COL22A1: variants seen among roughly 807,000 people sequenced by gnomAD.
The protein encoded by COL22A1 is collagen type XXII alpha 1 chain.
In COL22A1, 221 loss-of-function variants were observed where a neutral mutation model predicts 248.9. That is an observed-to-expected ratio of 0.89 (90% CI 0.80 to 0.99). The LOEUF is 0.99. COL22A1 is among the 50% of genes least tolerant of loss of function. COL22A1 has a pLI of 0.00. For missense variants in COL22A1, 2,240 were observed against 2,179.0 expected, an observed-to-expected ratio of 1.03 and a Z score of -0.56; for synonymous variants, 891 against 793.4, an observed-to-expected ratio of 1.12 and a Z score of -2.07.
chr8:138,687,351 T>C (rs1465171393), intron 37 of COL22A1, among the ~76,000 whole-genome samples: 1 of 152,238 alleles, frequency 6.6e-6, no homozygotes, highest in Admixed American at 6.5e-5. Context: ...TAAGTTCTTT[T>C]TTTCTGGGAG....
chr8:138,786,816 A>C (rs1815567934), intron 12 of COL22A1, among the ~76,000 whole-genome samples: 2 of 152,184 alleles, frequency 1.3e-5, no homozygotes, highest in Non-Finnish European at 2.9e-5. Flanking sequence ...AGGCAGGAGA[A>C]TTGCTTGAAC....
chr8:138,604,621 G>A, intron 59 of COL22A1, 113 bp downstream of exon 59: 2 of 850,896 alleles, frequency 2.4e-6, no homozygotes, highest in Non-Finnish European at 3.9e-6. Flanking sequence ...AACAGTGAAG[G>A]TAGAGAGTGT....
intron 42 of COL22A1, among the ~76,000 whole-genome samples, chr8:138,662,522 T>C (rs1176154535): frequency 6.6e-6 from 1 of 152,168 alleles, no homozygotes; most frequent in African/African-American, 2.4e-5. Context: ...ATTACAACTC[T>C]TTGTAAGAAA....
rs76084756 is a variant in COL22A1, at chr8:138,632,579, C to T, written c.3610-1831G>A. Among the ~76,000 whole-genome samples, 454 of 152,234 alleles carry T rather than the reference C, an allele frequency of 3.0e-3. 3 individuals carry two copies. Among genetic ancestry groups the T allele is most frequent in the African/African-American group, 0.01 (430 of 41,558 alleles). ...TTAATTGTTGCATACTTTTATCAAGCGCCTAAACTGTACTAGGTACAAGCC... is the reference window on the plus strand; with the variant it reads ...TTAATTGTTGCATACTTTTATCAAGTGCCTAAACTGTACTAGGTACAAGCC... On this transcript the variant is annotated intron_variant, in intron 49 of 64. Transcript: ENST00000303045.
At chr8:138,604,693 G>T in intron 59 of COL22A1, 41 bp downstream of exon 59, 1 of 1,594,866 alleles carries the variant, frequency 6.3e-7, no homozygotes, top group African/African-American at 1.3e-5. Context: ...CCCATTGGTG[G>T]TAAAGGGTTG....
At chr8:138,598,301 C>T (rs989162615) in intron 61 of COL22A1, among the ~76,000 whole-genome samples, 2 of 152,118 alleles carry the variant, frequency 1.3e-5, no homozygotes, top group African/African-American at 4.8e-5. Flanking sequence ...AGCCAGGCAT[C>T]GAAATGGATG....
intron 30 of COL22A1, among the ~76,000 whole-genome samples, chr8:138,706,085 A>T (rs1015878924): frequency 1.3e-5 from 2 of 152,250 alleles, no homozygotes; most frequent in South Asian, 2.1e-4. Context: ...AAGAAGAGCT[A>T]ACTATCCTAA....
intron 47 of COL22A1, 140 bp from the exon 48 acceptor site, chr8:138,636,935 T>G (rs1237365398): frequency 2.8e-6 from 2 of 720,666 alleles, no homozygotes; most frequent in Non-Finnish European, 4.9e-6. Context: ...TCAGGCACGG[T>G]GGCAGCAGAT....
intron 53 of COL22A1, among the ~76,000 whole-genome samples, chr8:138,617,693 G>T (rs1819450862): frequency 6.6e-6 from 1 of 152,184 alleles, no homozygotes; most frequent in Non-Finnish European, 1.5e-5. Flanking sequence ...CTGTGGAAAG[G>T]ATTGCCATAT....
At chr8:138,630,804 G>T in intron 49 of COL22A1, 56 bp from the exon 50 acceptor site, 3 of 1,441,884 alleles carry the variant, frequency 2.1e-6, no homozygotes, top group South Asian at 1.1e-5. Flanking sequence ...GAGGTCATTA[G>T]CACCCTCTGC....
intron 3 of COL22A1, among the ~76,000 whole-genome samples, chr8:138,854,208 T>C (rs1329164350): frequency 1.3e-5 from 2 of 152,114 alleles, no homozygotes; most frequent in Non-Finnish European, 2.9e-5. Flanking sequence ...ATTAGGCTGA[T>C]GGCCTCACTA....
In COL22A1 at chr8:138,760,300, A is replaced by C. The variant is rs1252109725; in HGVS notation, c.1858-13T>G. 1 of 1,598,386 alleles carries C rather than the reference A, an allele frequency of 6.3e-7. No individual in the cohort carries two copies. Among genetic ancestry groups the C allele is most frequent in the Non-Finnish European group, 8.5e-7 (1 of 1,172,732 alleles). On this transcript the variant is annotated splice_polypyrimidine_tract_variant and intron_variant, in intron 17 of 64. Coordinates refer to ENST00000303045, the MANE Select transcript of COL22A1 (RefSeq NM_152888.3). The stretch of plus-strand genomic sequence containing the variant: ...GGCCGGGCCTGCCCTGGAGGAAAGA[A>C]AGAAAAGGCAGATTATGATGGGCAC...
rs1296769771 is a variant in COL22A1 at position 138,588,758 on chromosome 8, T to C, written c.*495A>G. ...CTGGACAGTGGTGGTGTTTGTATTA[T>C]TTCTCCTGGGTGATCTCCGGGCATG... On this transcript the variant is annotated 3_prime_UTR_variant, in exon 65 of 65. Transcript: ENST00000303045. 2.6e-5 allele frequency: 4 copies of C among 152,844 alleles called. No individual in the cohort carries two copies. The highest frequency in any genetic ancestry group is 6.5e-5 in the Admixed American group (1 of 15,290). The allele number at this position is 152,844 out of a possible 1,614,324, so 9.5% of individuals were successfully genotyped here.
intron 52 of COL22A1, among the ~76,000 whole-genome samples, chr8:138,620,795 G>A (rs1001290403): frequency 6.6e-6 from 1 of 152,202 alleles, no homozygotes; most frequent in Non-Finnish European, 1.5e-5. Flanking sequence ...CAGGCATTTT[G>A]GTTCCAGAGT....
At chr8:138,613,296 G>T (rs567742464) in intron 56 of COL22A1, among the ~76,000 whole-genome samples, 9 of 151,848 alleles carry the variant, frequency 5.9e-5, no homozygotes, top group African/African-American at 1.7e-4. Flanking sequence ...AGAGACACAA[G>T]CAGGGAGAAC....
At chr8:138,674,880 T>C (rs1825385133) in intron 41 of COL22A1, among the ~76,000 whole-genome samples, 2 of 152,290 alleles carry the variant, frequency 1.3e-5, no homozygotes, top group Admixed American at 1.3e-4. Flanking sequence ...AGGCATAAAC[T>C]ATTGTGTTCT....
At chr8:138,712,371 C>A (rs1829044514) in intron 30 of COL22A1, among the ~76,000 whole-genome samples, 1 of 152,144 alleles carries the variant, frequency 6.6e-6, no homozygotes, top group African/African-American at 2.4e-5. Flanking sequence ...TTGGTCAGAA[C>A]TGAGCATGAA....
Position 138,721,887 on chromosome 8 carries a change from A to C in COL22A1, c.2301+149T>G, listed in dbSNP as rs77630700. The C allele has an allele frequency of 8.1e-3, 5,831 of 723,612 alleles. 201 individuals are homozygous for C. Among genetic ancestry groups the C allele is most frequent in the African/African-American group, 0.078 (4,455 of 57,350 alleles). The allele number at this position is 723,612 out of a possible 1,614,324, so 44.8% of individuals were successfully genotyped here. A position where few individuals can be genotyped will look rare whatever the true frequency, so the allele number is the denominator to read the frequency against. ...GAGAATAAATAAGGAGCCTTCCCCCATCTGACCCCATAAATCCAAACATTT... is the reference window on the plus strand; with the variant it reads ...GAGAATAAATAAGGAGCCTTCCCCCCTCTGACCCCATAAATCCAAACATTT... On this transcript the variant is annotated intron_variant, in intron 26 of 64. Transcript: ENST00000303045.
intron 49 of COL22A1, among the ~76,000 whole-genome samples, chr8:138,632,685 A>G (rs912028116): frequency 3.9e-5 from 6 of 152,140 alleles, no homozygotes; most frequent in African/African-American, 1.2e-4. Context: ...GACCTGTCTT[A>G]TTTTCCATGT....
Sources: gnomAD v4.1 joint callset for allele counts (sites outside exome capture counted in the v4.1 genomes callset) on GRCh38, gnomAD v4.1.1 for gene constraint, MANE v1.5 for transcripts, NCBI Gene and HGNC (gene_info 2026-07-23, HGNC 2026-07-21) for gene names.